Variants in FNBP1 observed in about 807,000 individuals in gnomAD.
FNBP1 encodes the protein formin-binding protein 1.
FNBP1 carries 26 observed loss-of-function variants against 90.6 expected under a neutral mutation model. The ratio of observed to expected loss-of-function variants is 0.29; its 90% confidence interval spans 0.21 to 0.40. FNBP1 has a LOEUF of 0.40. FNBP1 is among the 10% of genes least tolerant of loss of function. The probability of loss-of-function intolerance (pLI) is 1.00; values close to 1 mark genes in which losing one functional copy is unlikely to be tolerated. For missense variants in FNBP1, 635 were observed against 768.0 expected, an observed-to-expected ratio of 0.83 and a Z score of 2.05; for synonymous variants, 260 against 265.2, an observed-to-expected ratio of 0.98 and a Z score of 0.19.
chr9:129,970,119 A>G (rs1328696820), intron 4 of FNBP1, among the ~76,000 whole-genome samples: 1 of 151,156 alleles, frequency 6.6e-6, no homozygotes, highest in African/African-American at 2.4e-5. Context: ...ATTAGCTAAG[A>G]TGGTCTCGAT....
At chr9:129,943,861 C>T (rs1463748243) in intron 6 of FNBP1, among the ~76,000 whole-genome samples, 3 of 151,496 alleles carry the variant, frequency 2.0e-5, no homozygotes, top group Admixed American at 1.3e-4. Flanking sequence ...GGCGTGGTAT[C>T]GGGGGCCTGT....
chr9:129,987,771 G>C (rs1338915613), intron 2 of FNBP1, among the ~76,000 whole-genome samples: 5 of 151,984 alleles, frequency 3.3e-5, no homozygotes. Flanking sequence ...AAAATGCTGG[G>C]ATTACAGGTA....
intron 1 of FNBP1, among the ~76,000 whole-genome samples, chr9:130,020,824 GCA>G (rs1284680865): frequency 6.6e-6 from 1 of 152,100 alleles, no homozygotes. Context: ...CATGTGGCAG[GCA>G]GCTTTCAGGC....
chr9:130,027,297 A>G (rs2058436221), intron 1 of FNBP1, among the ~76,000 whole-genome samples: 1 of 152,224 alleles, frequency 6.6e-6, no homozygotes, highest in Non-Finnish European at 1.5e-5. Flanking sequence ...ATGAAGTCTT[A>G]ATGTCTTCAC....
intron 1 of FNBP1, among the ~76,000 whole-genome samples, chr9:130,016,309 G>T (rs1180893603): frequency 5.3e-5 from 8 of 152,134 alleles, no homozygotes; most frequent in Non-Finnish European, 1.2e-4. Flanking sequence ...TACTCCTTTT[G>T]TGAAACTCCA....
At chr9:129,979,189 C>T (rs2050803366) in intron 3 of FNBP1, 129 bp downstream of exon 3, 7 of 576,566 alleles carry the variant, frequency 1.2e-5, no homozygotes. Flanking sequence ...GTTCTCTCCT[C>T]CAATTTAAAA....
intron 1 of FNBP1, among the ~76,000 whole-genome samples, chr9:130,019,852 C>A (rs2057643115): frequency 6.6e-6 from 1 of 152,030 alleles, no homozygotes; most frequent in Non-Finnish European, 1.5e-5. Flanking sequence ...GCCACCGCGC[C>A]CGGCCCACAA....
intron 4 of FNBP1, among the ~76,000 whole-genome samples, chr9:129,961,821 A>G (rs2047875594): frequency 6.6e-6 from 1 of 152,110 alleles, no homozygotes; most frequent in Non-Finnish European, 1.5e-5. Flanking sequence ...CCCGGCCTCA[A>G]GTGATCCGCT....
chr9:129,934,831 G>A lies in FNBP1; in HGVS notation c.514-5136C>T, dbSNP rs111514417. Among the ~76,000 whole-genome samples, 1,292 of 151,868 alleles carry A rather than the reference G, an allele frequency of 8.5e-3. 16 individuals are homozygous for A. The highest frequency in any genetic ancestry group is 0.03 in the African/African-American group (1,235 of 41,400). On this transcript the variant is annotated intron_variant, in intron 6 of 16. Transcript: ENST00000446176. ...AAGTGATCTGCCTGCCTCGGCCTGC[G>A]TTAGCCTCCCAAAGTGTTGGGATTA...
In FNBP1 at chr9:129,923,984, G is replaced by A. The variant is rs1168754798; in HGVS notation, c.1030C>T (p.Pro344Ser). 4 of 1,528,996 alleles carry A rather than the reference G, an allele frequency of 2.6e-6. No individual in the cohort carries two copies. The highest frequency in any genetic ancestry group is 2.6e-6 in the Non-Finnish European group (3 of 1,139,842). 94.7% of individuals were successfully genotyped at this position (1,528,996 alleles called of 1,614,324 possible). A position where few individuals can be genotyped will look rare whatever the true frequency, so the allele number is the denominator to read the frequency against. ...GCAGAGGGTGAGGCAGAGGCAGGAG[G>A]GGGAGGGGGAGGCTGATGGGGGGAT... Reference protein sequence around the residue: ...LTSPHQPPPPPPASASPSAVP... With the variant: ...LTSPHQPPPPSPASASPSAVP... The change falls in exon 10 of 17, where the codon CCT (proline) becomes TCT (serine). Residue 344 changes from proline to serine, a missense_variant. Pro to Ser is a moderately conservative substitution (Grantham distance 74). Transcript: ENST00000446176.
intron 6 of FNBP1, among the ~76,000 whole-genome samples, chr9:129,932,154 C>T (rs1445628924): frequency 4.0e-5 from 6 of 148,346 alleles, no homozygotes; most frequent in African/African-American, 1.5e-4. Context: ...GAGGTTGCAG[C>T]GAGCCGAGAT....
rs1425187687 is a variant in FNBP1, at chr9:129,900,854, C to T, written c.1429-307G>A. 6.6e-6 allele frequency among the ~76,000 whole-genome samples: 1 copy of T among 152,252 alleles called. No homozygotes were observed. Among genetic ancestry groups the T allele is most frequent in the Non-Finnish European group, 1.5e-5 (1 of 68,044 alleles). ...ACGATGGGGCAGAAAGCACACTGGA[C>T]TATGCTATCCCCTTGGGCTTTTAAG... On this transcript the variant is annotated intron_variant, in intron 13 of 16. Coordinates refer to ENST00000446176, the MANE Select transcript of FNBP1 (RefSeq NM_015033.3). This position sits in a 1 kb window ranked among gnomAD's most constrained non-coding sequence, Gnocchi z 4.1.
At chr9:130,046,019 C>T (rs1394344763), upstream of FNBP1, among the ~76,000 whole-genome samples, 4 of 152,062 alleles carry the variant, frequency 2.6e-5, no homozygotes, top group South Asian at 8.3e-4. Flanking sequence ...ACTGGTTTCA[C>T]CTCTCAGTAA....
intron 11 of FNBP1, among the ~76,000 whole-genome samples, chr9:129,913,777 GA>G (rs942827278): frequency 1.3e-5 from 2 of 150,334 alleles, no homozygotes; most frequent in African/African-American, 4.9e-5. Flanking sequence ...TCTCCTAAAA[GA>G]AAAAAAAATC....
Position 129,966,715 on chromosome 9 carries a change from G to A in FNBP1, c.346-8162C>T, listed in dbSNP as rs2048691131. ...CCACTGCATTCCAAGTCTGGGTGAT[G>A]GAGCGAGACTCCGTCTAAACAACAA... On this transcript the variant is annotated intron_variant, in intron 4 of 16. Coordinates refer to ENST00000446176, the MANE Select transcript of FNBP1 (RefSeq NM_015033.3). The surrounding 1 kb of genome is among the most constrained non-coding windows in gnomAD (Gnocchi z 4.3). 6.6e-6 allele frequency among the ~76,000 whole-genome samples: 1 copy of A among 151,396 alleles called. No homozygotes were observed. Among genetic ancestry groups the A allele is most frequent in the Admixed American group, 6.6e-5 (1 of 15,106 alleles).
At position 129,905,879 on chromosome 9, in the gene FNBP1, C is replaced by CTT. The variant is rs35439760; in HGVS notation, c.1296-2880_1296-2879dup. 2.3e-3 allele frequency among the ~76,000 whole-genome samples: 336 copies of CTT among 145,378 alleles called. 1 individual carries two copies. Among genetic ancestry groups the CTT allele is most frequent in the African/African-American group, 6.2e-3 (246 of 39,382 alleles). On this transcript the variant is annotated intron_variant, in intron 12 of 16. Coordinates refer to ENST00000446176, the MANE Select transcript of FNBP1 (RefSeq NM_015033.3). ...TTGTGGCTTATTTAGAGGCATATTTCTTTTTTTTTTTGTTTTTTTTTGAGA... is the reference window on the plus strand; with the variant it reads ...TTGTGGCTTATTTAGAGGCATATTTCTTTTTTTTTTTTTGTTTTTTTTTGAGA...
chr9:129,951,234 T>C (rs1264568372), intron 6 of FNBP1, among the ~76,000 whole-genome samples: 1 of 151,730 alleles, frequency 6.6e-6, no homozygotes, highest in African/African-American at 2.4e-5. Context: ...TGGCATCACA[T>C]GCGTGAGCCA....
intron 12 of FNBP1, 39 bp from the exon 13 acceptor site, chr9:129,903,040 C>G (rs1266302940): frequency 6.5e-7 from 1 of 1,540,996 alleles, no homozygotes; most frequent in Non-Finnish European, 8.8e-7. Flanking sequence ...AAAGGTTACT[C>G]CATTTTTTTT....
intron 3 of FNBP1, 135 bp downstream of exon 3, chr9:129,979,183 T>C: frequency 1.8e-6 from 1 of 563,238 alleles, no homozygotes; most frequent in South Asian, 2.7e-5. Context: ...TTTATTGTTC[T>C]CTCCTCCAAT....
Sources: allele counts gnomAD v4.1 joint callset (sites outside exome capture counted in the v4.1 genomes callset), GRCh38; gene constraint gnomAD v4.1.1; non-coding constraint Gnocchi (gnomAD v3.1); transcripts MANE v1.5; gene names NCBI Gene and HGNC (gene_info 2026-07-23, HGNC 2026-07-21).